Variants in FAAH observed in about 807,000 individuals in gnomAD.
The protein encoded by FAAH is fatty acid amide hydrolase.
FAAH carries 63 observed loss-of-function variants against 69.7 expected under a neutral mutation model. The observed-to-expected ratio is 0.90, with a 90% confidence interval of 0.74 to 1.12. FAAH has a LOEUF of 1.12. Among genes scored for constraint, FAAH ranks in the 50% most tolerant of loss-of-function variants. FAAH has a pLI of 0.00. For synonymous variants in FAAH, 305 were observed against 324.2 expected (o/e 0.94, Z 0.64); for missense variants, 680 against 755.0 (o/e 0.90, Z 1.16).
chr1:46,409,224 T>C lies in FAAH; in HGVS notation c.1175+26T>C, dbSNP rs780857186. On this transcript the variant is annotated intron_variant, in intron 9 of 14. Coordinates refer to ENST00000243167, the MANE Select transcript of FAAH (RefSeq NM_001441.3). ...GTGAGTGATAGTGGGCTTTGGGGTC[T>C]TGGTGGGATCAGACAAGTAGGCAGA... 1.6e-5 allele frequency: 25 copies of C among 1,582,404 alleles called. No homozygotes were observed. In the Admixed American group the frequency reaches 3.8e-4, roughly 24 times the overall value.
Position 46,402,169 on chromosome 1 carries a change from G to A in FAAH, c.274G>A (p.Ala92Thr), listed in dbSNP as rs754549647. 1.9e-6 allele frequency: 3 copies of A among 1,607,366 alleles called. No homozygotes were observed. Among genetic ancestry groups the A allele is most frequent in the South Asian group, 1.1e-5 (1 of 89,690 alleles). Residue 92 changes from alanine (A) to threonine (T), a missense_variant, in exon 2 of 15, where the codon GCC becomes ACC. Ala to Thr is a moderately conservative substitution (Grantham distance 58). Transcript: ENST00000243167. ...GCAGAAGTTACACAGTAGAGAGCTG[G>A]CCCCTGAGGCCGTGCTCTTCACCTA... ...LVQKLHSREL[A>T]PEAVLFTYVG...
intron 1 of FAAH, 103 bp from the exon 2 acceptor site, chr1:46,401,988 G>A (rs867631540): frequency 1.0e-6 from 1 of 973,636 alleles, no homozygotes; most frequent in Middle Eastern, 2.1e-4. Context: ...GGCCTGCCCA[G>A]GCTGGGCCAT....
intron 2 of FAAH, among the ~76,000 whole-genome samples, chr1:46,403,400 T>A (rs1349605426): frequency 3.3e-5 from 5 of 152,184 alleles, no homozygotes; most frequent in African/African-American, 9.7e-5. Context: ...CCTGGCCTGT[T>A]CTCTTCTTTT....
rs763211829 is a variant in FAAH at position 46,413,220 on chromosome 1, G to A, written c.1611G>A (p.Lys537=). Reference sequence around the variant, plus strand: ...ATATCTGGGACAAGATGCTGCAGAAGGTGAGGACTGACCTGCCCCTCAACT... The same window carrying A: ...ATATCTGGGACAAGATGCTGCAGAAAGTGAGGACTGACCTGCCCCTCAACT... ...FGDIWDKMLQ[K]GMKKSVGLPV... is the part of the protein sequence containing the mutation. The change falls in exon 14 of 15, where the codon AAG becomes AAA. Residue 537 remains lysine, a splice_region_variant and synonymous_variant. Coordinates refer to ENST00000243167, the MANE Select transcript of FAAH (RefSeq NM_001441.3). 1.3e-5 allele frequency: 21 copies of A among 1,613,986 alleles called. No homozygotes were observed. In the Admixed American group the frequency reaches 3.5e-4, roughly 27 times the overall value.
rs1664902900 is a variant in FAAH, at chr1:46,410,980, G to T, written c.1316+126G>T. ...CTGAGGCTGGAAGTGGCCCAGGCAG[G>T]GGGGCAACCTTTGTGGCCTTCAGAT... is the stretch of plus-strand genomic sequence containing the variant. On this transcript the variant is annotated intron_variant, in intron 11 of 14. Transcript: ENST00000243167. The surrounding 1 kb of genome is among the most constrained non-coding windows in gnomAD (Gnocchi z 4.9). The T allele has an allele frequency of 4.1e-5, 48 of 1,170,794 alleles. 1 individual carries two copies. The South Asian group carries it at 4.9e-4, about 12-fold the overall frequency. The allele number at this position is 1,170,794 out of a possible 1,614,324, so 72.5% of individuals were successfully genotyped here. A position where few individuals can be genotyped will look rare whatever the true frequency, so the allele number is the denominator to read the frequency against.
intron 1 of FAAH, among the ~76,000 whole-genome samples, chr1:46,401,378 G>T (rs958147521): frequency 2.0e-5 from 3 of 152,086 alleles, no homozygotes; most frequent in African/African-American, 7.2e-5. Flanking sequence ...GAGGGTCTGC[G>T]GCTTCATTCT....
Position 46,405,865 on chromosome 1 carries a change from C to T in FAAH, c.785+71C>T, listed in dbSNP as rs1440872691. On this transcript the variant is annotated intron_variant, in intron 5 of 14. Coordinates refer to ENST00000243167, the MANE Select transcript of FAAH (RefSeq NM_001441.3). This position sits in a 1 kb window ranked among gnomAD's most constrained non-coding sequence, Gnocchi z 4.1. ...TGGCCTAGCTTCCAACCTCTCTGGGCTCCAGGCGGGGATTCGGTCTCCGGG... is the reference window on the plus strand; with the variant it reads ...TGGCCTAGCTTCCAACCTCTCTGGGTTCCAGGCGGGGATTCGGTCTCCGGG... 1.8e-5 allele frequency: 29 copies of T among 1,606,288 alleles called. No individual in the cohort carries two copies. Among genetic ancestry groups the T allele is most frequent in the Non-Finnish European group, 2.3e-5 (27 of 1,176,708 alleles).
intron 1 of FAAH, among the ~76,000 whole-genome samples, chr1:46,397,734 G>T (rs1569804868): frequency 6.6e-6 from 1 of 151,244 alleles, no homozygotes; most frequent in South Asian, 2.1e-4. Context: ...GCTAATTTTT[G>T]CATTTTTAGT....
intron 14 of FAAH, 56 bp downstream of exon 14, chr1:46,413,276 T>C: frequency 6.2e-7 from 1 of 1,613,298 alleles, no homozygotes; most frequent in Non-Finnish European, 8.5e-7. Flanking sequence ...CTCTGGCCGC[T>C]GTGGAGGAAA....
At chr1:46,397,670 T>C (rs1038740741) in intron 1 of FAAH, among the ~76,000 whole-genome samples, 5 of 152,110 alleles carry the variant, frequency 3.3e-5, no homozygotes, top group African/African-American at 1.2e-4. Context: ...CAAGCGATTC[T>C]CCTGCCTCAG....
Position 46,406,647 on chromosome 1 carries a change from ATC to A in FAAH, c.951+282_951+283del, listed in dbSNP as rs570934180. ...CCTCAGGCTGGAGTGCAGTGGCGCG[ATC>A]TCGGCTCACTGCAAGCTCCGCCTCC... On this transcript the variant is annotated intron_variant, in intron 7 of 14. Transcript: ENST00000243167. 8.6e-4 allele frequency among the ~76,000 whole-genome samples: 116 copies of A among 135,310 alleles called. 3 individuals are homozygous for A. In the South Asian group the frequency reaches 0.024, roughly 28 times the overall value. The allele number at this position is 135,310 out of a possible 152,430, so 88.8% of individuals were successfully genotyped here.
At position 46,402,198 on chromosome 1, in the gene FAAH, G is replaced by A. The variant is rs769929205; in HGVS notation, c.303G>A (p.Val101=). Residue 101 remains valine, a synonymous_variant, in exon 2 of 15, where the codon GTG becomes GTA. Coordinates refer to ENST00000243167, the MANE Select transcript of FAAH (RefSeq NM_001441.3). ...CTGAGGCCGTGCTCTTCACCTATGT[G>A]GGAAAGGTAAGGCCAGCCAAGGCCA... ...LAPEAVLFTY[V]GKAWEVNKGT... The A allele has an allele frequency of 6.3e-7, 1 of 1,592,674 alleles. No individual in the cohort carries two copies. The highest frequency in any genetic ancestry group is 1.2e-5 in the South Asian group (1 of 86,770).
At position 46,412,260 on chromosome 1, in the gene FAAH, C is replaced by T. The variant is rs199552811; in HGVS notation, c.1465+9C>T. On this transcript the variant is annotated intron_variant, in intron 13 of 14. Coordinates refer to ENST00000243167, the MANE Select transcript of FAAH (RefSeq NM_001441.3). ...CCCAGGCAGGGCCACAGGTGAGGCC[C>T]GACACCCTGCCTGTCCCTTCTGTGA... is the stretch of plus-strand genomic sequence containing the variant. 9.7e-6 allele frequency: 15 copies of T among 1,544,246 alleles called. No individual in the cohort carries two copies. Among genetic ancestry groups the T allele is most frequent in the African/African-American group, 4.1e-5 (3 of 72,888 alleles).
In FAAH at chr1:46,410,463, T is replaced by A. The variant is rs890410249; in HGVS notation, c.1241T>A (p.Leu414His). Reference sequence around the variant, plus strand: ...TCAATTCTGAAGCTTCCCCAATGGCTTAAAGGACTGCTGGCCTTCCTGGTG... The same window carrying A: ...TCAATTCTGAAGCTTCCCCAATGGCATAAAGGACTGCTGGCCTTCCTGGTG... ...LVSILKLPQWLKGLLAFLVKP... is the reference protein window; with the variant it reads ...LVSILKLPQWHKGLLAFLVKP... Residue 414 changes from leucine (L) to histidine (H), a missense_variant, in exon 10 of 15, where the codon CTT becomes CAT. Transcript: ENST00000243167. This position sits in a 1 kb window ranked among gnomAD's most constrained non-coding sequence, Gnocchi z 4.9. The A allele has an allele frequency of 6.2e-7, 1 of 1,614,064 alleles. No individual in the cohort carries two copies. Among genetic ancestry groups the A allele is most frequent in the Admixed American group, 1.7e-5 (1 of 60,012 alleles).
rs1664927972 is a variant in FAAH at position 46,412,171 on chromosome 1, G to A, written c.1385G>A (p.Trp462Ter). 2 of 1,562,862 alleles carry A rather than the reference G, an allele frequency of 1.3e-6. No individual in the cohort carries two copies. The highest frequency in any genetic ancestry group is 1.9e-5 in the Admixed American group (1 of 52,776). Reference protein sequence around the residue: ...EVYRKTVIAQWRALDLDVVLT... With the variant: ...EVYRKTVIAQ ...TACCGCAAAACCGTGATTGCCCAGT[G>A]GAGGGCGCTGGACCTGGATGTGGTG... Residue 462 changes from tryptophan (W) to a stop codon, truncating the protein, a stop_gained, in exon 13 of 15, where the codon TGG (tryptophan) becomes TAG (stop). Coordinates refer to ENST00000243167, the MANE Select transcript of FAAH (RefSeq NM_001441.3). LOFTEE classifies it high-confidence loss of function.
intron 1 of FAAH, among the ~76,000 whole-genome samples, chr1:46,398,754 C>A (rs919756025): frequency 6.6e-6 from 1 of 151,654 alleles, no homozygotes; most frequent in East Asian, 1.9e-4. Context: ...AGGCTGGTCT[C>A]GAACTCCTGA....
At position 46,410,978 on chromosome 1, in the gene FAAH, A is replaced by AG. The variant is rs898788052; in HGVS notation, c.1316+130dup. 6.7e-6 allele frequency: 8 copies of AG among 1,197,978 alleles called. No homozygotes were observed. Among genetic ancestry groups the AG allele is most frequent in the Non-Finnish European group, 7.4e-6 (6 of 812,572 alleles). 74.2% of individuals were successfully genotyped at this position (1,197,978 alleles called of 1,614,324 possible). ...CTCTGAGGCTGGAAGTGGCCCAGGC[A>AG]GGGGGGCAACCTTTGTGGCCTTCAG... On this transcript the variant is annotated intron_variant, in intron 11 of 14. Transcript: ENST00000243167. The surrounding 1 kb of genome is among the most constrained non-coding windows in gnomAD (Gnocchi z 4.9).
Position 46,405,465 on chromosome 1 carries a change from G to A in FAAH, c.538G>A (p.Val180Met), listed in dbSNP as rs757542565. ...GCATGTGCTGAAGCTGCAGGGTGCC[G>A]TGCCCTTCGTGCACACCAATGTTCC... Reference protein sequence around the residue: ...VVHVLKLQGAVPFVHTNVPQS... With the variant: ...VVHVLKLQGAMPFVHTNVPQS... Residue 180 changes from valine (V) to methionine (M), a missense_variant, in exon 4 of 15, where the codon GTG becomes ATG. Val to Met is a conservative substitution (Grantham distance 21). Coordinates refer to ENST00000243167, the MANE Select transcript of FAAH (RefSeq NM_001441.3). This position sits in a 1 kb window ranked among gnomAD's most constrained non-coding sequence, Gnocchi z 4.1. The A allele has an allele frequency of 2.5e-6, 4 of 1,612,708 alleles. No individual in the cohort carries two copies. Among genetic ancestry groups the A allele is most frequent in the South Asian group, 2.2e-5 (2 of 91,048 alleles).
rs1486127458 is a variant in FAAH at position 46,412,363 on chromosome 1, A to G, written c.1465+112A>G. On this transcript the variant is annotated intron_variant, in intron 13 of 14. Coordinates refer to ENST00000243167, the MANE Select transcript of FAAH (RefSeq NM_001441.3). ...GGAGGACCCTGCCCTCTCGGGGCCCACAGTCTGGCTGACTGGAGACATGGC... is the reference window on the plus strand; with the variant it reads ...GGAGGACCCTGCCCTCTCGGGGCCCGCAGTCTGGCTGACTGGAGACATGGC... The G allele has an allele frequency of 8.9e-6, 8 of 897,530 alleles. No individual in the cohort carries two copies. The East Asian group carries it at 1.8e-4, about 21-fold the overall frequency. The allele number at this position is 897,530 out of a possible 1,614,324, so 55.6% of individuals were successfully genotyped here.
Sources: allele counts gnomAD v4.1 joint callset (sites outside exome capture counted in the v4.1 genomes callset), GRCh38; gene constraint gnomAD v4.1.1; non-coding constraint Gnocchi (gnomAD v3.1); transcripts MANE v1.5; gene names NCBI Gene and HGNC (gene_info 2026-07-23, HGNC 2026-07-21).